The following ERBIN variants were observed in gnomAD, a reference collection of about 807,000 sequenced individuals.
ERBIN encodes the protein densin-180-like protein.
In ERBIN, 60 loss-of-function variants were observed where a neutral mutation model predicts 158.4. The ratio of observed to expected loss-of-function variants is 0.38; its 90% CI spans 0.31 to 0.47. The LOEUF (loss-of-function observed/expected upper bound fraction) is 0.47, where lower values mean the gene tolerates loss of function less well. Among genes scored for constraint, ERBIN ranks in the 20% least tolerant of loss-of-function variants. The pLI, the probability that ERBIN is intolerant of heterozygous loss-of-function variation, is 0.99. For missense variants in ERBIN, 1,610 were observed against 1,648.0 expected (o/e 0.98, Z 0.40); for synonymous variants, 594 against 557.2 (o/e 1.07, Z -0.93).
chr5:66,015,466 A>G (rs1437318560), intron 7 of ERBIN, among the ~76,000 whole-genome samples: 2 of 152,168 alleles, frequency 1.3e-5, no homozygotes. Flanking sequence ...GTGATAAAGT[A>G]GTTGTCACTA....
At chr5:65,930,374 T>G (rs2150831579) in intron 1 of ERBIN, among the ~76,000 whole-genome samples, 1 of 152,316 alleles carries the variant, frequency 6.6e-6, no homozygotes, top group African/African-American at 2.4e-5. Flanking sequence ...GGCAAGATTT[T>G]GGCCCACTGC....
chr5:66,034,698 T>G (rs1189467177), intron 14 of ERBIN, among the ~76,000 whole-genome samples: 1 of 146,948 alleles, frequency 6.8e-6, no homozygotes, highest in African/African-American at 2.7e-5. Flanking sequence ...GTTGAAGTAT[T>G]ATTAGTATCA....
At chr5:65,944,185 T>C (rs1054621940) in intron 1 of ERBIN, among the ~76,000 whole-genome samples, 2 of 149,490 alleles carry the variant, frequency 1.3e-5, no homozygotes, top group Non-Finnish European at 3.0e-5. Context: ...CTGGCTCATA[T>C]GGTAATTCTG....
intron 1 of ERBIN, among the ~76,000 whole-genome samples, chr5:65,969,064 A>G (rs1311306409): frequency 2.0e-5 from 3 of 152,126 alleles, no homozygotes; most frequent in Admixed American, 2.0e-4. Context: ...GTTAGTATTG[A>G]CCTTATGCTA....
chr5:66,065,310 CATACTT>C (rs778955256), intron 21 of ERBIN, among the ~76,000 whole-genome samples: 27 of 152,072 alleles, frequency 1.8e-4, no homozygotes, highest in South Asian at 4.1e-4. Flanking sequence ...GATTGCTAGA[CATACTT>C]ATTATTTCAA....
At chr5:66,033,986 G>A (rs1004299732) in intron 14 of ERBIN, among the ~76,000 whole-genome samples, 15 of 152,030 alleles carry the variant, frequency 9.9e-5, no homozygotes, top group African/African-American at 3.1e-4. Context: ...GCGTGTGCCT[G>A]TAGCCCCAGC....
At chr5:66,077,799 CACACACACACAG>C (rs1561465058) in intron 25 of ERBIN, among the ~76,000 whole-genome samples, 82 of 144,076 alleles carry the variant, frequency 5.7e-4, no homozygotes, top group African/African-American at 2.4e-3. Context: ...CACACATACA[CACACACACACAG>C]TCACACTCAC....
intron 25 of ERBIN, among the ~76,000 whole-genome samples, chr5:66,077,773 C>A (rs1762124216): frequency 7.8e-6 from 1 of 129,004 alleles, no homozygotes; most frequent in Non-Finnish European, 1.7e-5. Context: ...CACACACACA[C>A]ACACACACAC....
intron 14 of ERBIN, among the ~76,000 whole-genome samples, chr5:66,035,901 C>T (rs1757349157): frequency 6.6e-6 from 1 of 152,044 alleles, no homozygotes; most frequent in Admixed American, 6.6e-5. Flanking sequence ...TGAGACCTGC[C>T]TGGGTGACAT....
Position 65,939,627 on chromosome 5 carries a change from G to A in ERBIN, c.-58+12821G>A, listed in dbSNP as rs576756241. On this transcript the variant is annotated intron_variant, in intron 1 of 25. Transcript: ENST00000284037. ...AGCTGGACTGTACTGCTGCCATCTCGGCTCACTGCAGCCTCCCTGCCTGAT... is the reference window on the plus strand; with the variant it reads ...AGCTGGACTGTACTGCTGCCATCTCAGCTCACTGCAGCCTCCCTGCCTGAT... Among the ~76,000 whole-genome samples the A allele has an allele frequency of 5.6e-3, 857 of 152,112 alleles. 3 individuals carry two copies. Among genetic ancestry groups the A allele is most frequent in the Non-Finnish European group, 8.8e-3 (601 of 67,992 alleles).
At chr5:66,046,255 A>G in intron 17 of ERBIN, 98 bp from the exon 18 acceptor site, 1 of 647,508 alleles carries the variant, frequency 1.5e-6, no homozygotes. Flanking sequence ...TTAGTCCAGA[A>G]TTGGAAGTTG....
intron 1 of ERBIN, among the ~76,000 whole-genome samples, chr5:65,948,204 C>T (rs574848433): frequency 8.2e-4 from 125 of 151,762 alleles, no homozygotes; most frequent in African/African-American, 3.0e-3. Context: ...CTCTGTGTCC[C>T]AGGATGTTGC....
At chr5:66,043,439 T>C (rs1758113486) in intron 16 of ERBIN, among the ~76,000 whole-genome samples, 1 of 152,128 alleles carries the variant, frequency 6.6e-6, no homozygotes, top group Non-Finnish European at 1.5e-5. Context: ...AAAACGTTAT[T>C]ATAGGCTAGA....
intron 1 of ERBIN, among the ~76,000 whole-genome samples, chr5:65,932,374 A>G (rs1459299120): frequency 6.6e-6 from 1 of 151,558 alleles, no homozygotes; most frequent in African/African-American, 2.4e-5. Flanking sequence ...ACCTGGGAAT[A>G]TGTAGTGGTA....
intron 1 of ERBIN, among the ~76,000 whole-genome samples, chr5:65,982,863 T>C (rs1418389186): frequency 6.6e-6 from 1 of 152,228 alleles, no homozygotes; most frequent in Non-Finnish European, 1.5e-5. Context: ...ATAACGCTTG[T>C]ACACAAATGT....
chr5:66,044,377 T>A, intron 17 of ERBIN, 67 bp downstream of exon 17: 1 of 1,419,240 alleles, frequency 7.0e-7, no homozygotes, highest in Non-Finnish European at 9.5e-7. Flanking sequence ...ACAGTTGATA[T>A]AGTGCCCCTT....
In ERBIN at chr5:66,025,523, G is replaced by C. The variant is rs1229078682; in HGVS notation, c.861G>C (p.Gln287His). 1.9e-6 allele frequency: 3 copies of C among 1,612,530 alleles called. No homozygotes were observed. The change falls in exon 11 of 26, where the codon CAG becomes CAC. Residue 287 changes from glutamine to histidine, a missense_variant. By Grantham distance (24) the Gln-to-His change is conservative. Transcript: ENST00000284037. ...NITTLKIDEN[Q>H]LMYLPDSIGG... Reference sequence around the variant, plus strand: ...CAACGCTTAAAATAGATGAAAACCAGTTAATGTATCTGCCAGACTCTATAG... The same window carrying C: ...CAACGCTTAAAATAGATGAAAACCACTTAATGTATCTGCCAGACTCTATAG...
At chr5:65,953,999 C>T (rs919634375) in intron 1 of ERBIN, among the ~76,000 whole-genome samples, 5 of 152,106 alleles carry the variant, frequency 3.3e-5, no homozygotes, top group African/African-American at 1.2e-4. Flanking sequence ...TCCCTACACT[C>T]GTTACTCCCC....
At chr5:66,046,209 C>G (rs565841718) in intron 17 of ERBIN, 144 bp from the exon 18 acceptor site, 8 of 436,588 alleles carry the variant, frequency 1.8e-5, no homozygotes, top group African/African-American at 1.0e-4. Context: ...CTGTGAGTGT[C>G]ACAGGTTTCT....
Sources: allele counts gnomAD v4.1 joint callset (sites outside exome capture counted in the v4.1 genomes callset), GRCh38; gene constraint gnomAD v4.1.1; transcripts MANE v1.5; gene names NCBI Gene and HGNC (gene_info 2026-07-23, HGNC 2026-07-21).